The following SLC2A9 variants were observed in gnomAD, a reference collection of about 807,000 sequenced individuals.
SLC2A9 encodes solute carrier family 2 member 9.
Under a neutral mutation model 50.6 loss-of-function variants are expected in SLC2A9, and 39 were observed. The observed-to-expected ratio is 0.77, with a 90% CI of 0.60 to 1.01. SLC2A9 has a LOEUF of 1.01. Among genes scored for constraint, SLC2A9 ranks in the 50% least tolerant of loss-of-function variants. The probability of loss-of-function intolerance (pLI) is 0.00; values close to 1 mark genes in which losing one functional copy is unlikely to be tolerated. For synonymous variants in SLC2A9, 324 were observed against 276.9 expected (o/e 1.17, Z -1.69); for missense variants, 686 against 677.6 (o/e 1.01, Z -0.14).
chr4:9,893,374 G>C (rs1236396586), intron 8 of SLC2A9, among the ~76,000 whole-genome samples: 1 of 151,906 alleles, frequency 6.6e-6, no homozygotes, highest in Non-Finnish European at 1.5e-5. Context: ...TCTTTATAAC[G>C]CAGGCAGAAT....
At chr4:9,850,597 A>G (rs1345357644) in intron 10 of SLC2A9, among the ~76,000 whole-genome samples, 1 of 152,050 alleles carries the variant, frequency 6.6e-6, no homozygotes, top group African/African-American at 2.4e-5. Flanking sequence ...CCAGCAGACC[A>G]TGTCAGACCA....
rs549209329 is a variant in SLC2A9 at position 9,911,493 on chromosome 4, G to A, written c.1003-3148C>T. Among the ~76,000 whole-genome samples the A allele has an allele frequency of 4.7e-4, 72 of 152,190 alleles. No homozygotes were observed. The East Asian group carries it at 6.0e-3, about 13-fold the overall frequency. On this transcript the variant is annotated intron_variant, in intron 7 of 11. Transcript: ENST00000264784. ...GAAACTTAAGAGTGCATCCTGCCCC[G>A]GAGCCCCGCCAGCCCCCACGGTGTG...
intron 10 of SLC2A9, among the ~76,000 whole-genome samples, chr4:9,878,842 G>T (rs540717235): frequency 3.1e-4 from 47 of 152,180 alleles, no homozygotes; most frequent in African/African-American, 1.1e-3. Flanking sequence ...TGGGGAGGCA[G>T]TGTCAGAATT....
intron 1 of SLC2A9, chr4:10,035,682 G>C (rs1764079026): frequency 6.6e-6 from 1 of 152,258 alleles, no homozygotes; most frequent in Non-Finnish European, 1.5e-5. Flanking sequence ...GGACTGAAGG[G>C]AGCAGATCTG....
rs982676959 is a variant in SLC2A9, at chr4:9,993,231, T to A, written c.410+3550A>T. Among the ~76,000 whole-genome samples, 3 of 152,238 alleles carry A rather than the reference T, an allele frequency of 2.0e-5. No individual in the cohort carries two copies. In the East Asian group the frequency reaches 5.8e-4, roughly 29 times the overall value. ...ATGTGTGTTTTCCTATAGTTTCTTA[T>A]ATGTTTTTTCTGCTTTGCTCCAGAC... On this transcript the variant is annotated intron_variant, in intron 3 of 11. Transcript: ENST00000264784.
chr4:9,920,127 T>C (rs912675066), intron 7 of SLC2A9, among the ~76,000 whole-genome samples: 2 of 152,252 alleles, frequency 1.3e-5, no homozygotes, highest in African/African-American at 4.8e-5. Context: ...AGTGATAGCA[T>C]TTATTATAGG....
intron 3 of SLC2A9, among the ~76,000 whole-genome samples, chr4:9,986,492 C>T (rs1301822812): frequency 1.3e-5 from 2 of 152,194 alleles, no homozygotes; most frequent in African/African-American, 4.8e-5. Flanking sequence ...CAGGCCCCAG[C>T]CCCAGCATCA....
Position 9,830,727 on chromosome 4 carries a change from C to A in SLC2A9, c.1420-4127G>T, listed in dbSNP as rs977928335. ...CATTTGCATGCAATTTTCTCTGAAT[C>A]GGAAAATATTGGCACTCCACACTGG... On this transcript the variant is annotated intron_variant, in intron 11 of 11. Coordinates refer to ENST00000264784, the MANE Select transcript of SLC2A9 (RefSeq NM_020041.3). Among the ~76,000 whole-genome samples, 9 of 152,296 alleles carry A rather than the reference C, an allele frequency of 5.9e-5. No individual in the cohort carries two copies. The South Asian group carries it at 6.2e-4, about 11-fold the overall frequency.
intron 5 of SLC2A9, among the ~76,000 whole-genome samples, chr4:9,946,757 C>G (rs1481442427): frequency 1.3e-5 from 2 of 152,224 alleles, no homozygotes; most frequent in Non-Finnish European, 2.9e-5. Flanking sequence ...AGAATGTCAT[C>G]TAAATACAAC....
At chr4:9,983,117 C>G (rs1175985149) in intron 4 of SLC2A9, among the ~76,000 whole-genome samples, 1 of 152,234 alleles carries the variant, frequency 6.6e-6, no homozygotes, top group African/African-American at 2.4e-5. Context: ...ATCCGCCCGC[C>G]TCGGCCTCCC....
intron 11 of SLC2A9, among the ~76,000 whole-genome samples, chr4:9,827,656 T>C (rs1404365100): frequency 6.6e-6 from 1 of 152,186 alleles, no homozygotes; most frequent in Admixed American, 6.5e-5. Flanking sequence ...AAAAAGAGGA[T>C]AATCATGGTA....
chr4:9,939,306 T>C (rs143342708), intron 6 of SLC2A9, among the ~76,000 whole-genome samples: 380 of 152,280 alleles, frequency 2.5e-3, no homozygotes, highest in African/African-American at 8.7e-3. Context: ...AACAACACTG[T>C]TGACCTATAG....
chr4:9,949,133 T>A (rs1749739483), intron 5 of SLC2A9, among the ~76,000 whole-genome samples: 1 of 152,220 alleles, frequency 6.6e-6, no homozygotes, highest in Non-Finnish European at 1.5e-5. Context: ...CAATTTCCAT[T>A]AAAGCACTTG....
chr4:9,969,499 T>C (rs1027748034), intron 5 of SLC2A9, among the ~76,000 whole-genome samples: 1 of 152,252 alleles, frequency 6.6e-6, no homozygotes, highest in African/African-American at 2.4e-5. Flanking sequence ...CAAAAAACTT[T>C]AAGATCAATG....
intron 10 of SLC2A9, among the ~76,000 whole-genome samples, chr4:9,855,883 T>C (rs114721948): frequency 4.0e-3 from 607 of 152,262 alleles, no homozygotes; most frequent in Non-Finnish European, 6.9e-3. Context: ...GTGCAATAAA[T>C]GGTGCTGGGA....
At chr4:9,844,180 A>AAGAAAAAAAAAGACC (rs1728568868) in intron 10 of SLC2A9, among the ~76,000 whole-genome samples, 1 of 149,014 alleles carries the variant, frequency 6.7e-6, no homozygotes, top group African/African-American at 2.5e-5. Context: ...AAAAAAAAAA[A>AAGAAAAAAAAAGACC]GTCCTTCTGA....
intron 4 of SLC2A9, among the ~76,000 whole-genome samples, chr4:9,984,829 T>C (rs1262489690): frequency 1.3e-5 from 2 of 152,032 alleles, no homozygotes; most frequent in African/African-American, 2.4e-5. Context: ...AACAAACCAG[T>C]CCATGTCACA....
At chr4:9,825,161 T>C (rs1724928399), downstream of SLC2A9, among the ~76,000 whole-genome samples, 1 of 152,214 alleles carries the variant, frequency 6.6e-6, no homozygotes, top group African/African-American at 2.4e-5. Flanking sequence ...CACTTTACTT[T>C]ACTTTAGGAC....
chr4:10,031,679 C>T (rs760228878), intron 1 of SLC2A9, among the ~76,000 whole-genome samples: 8 of 152,202 alleles, frequency 5.3e-5, no homozygotes, highest in Non-Finnish European at 1.2e-4. Context: ...TTAGTCCTAG[C>T]CAGGAAGGGG....
Sources: allele counts gnomAD v4.1 joint callset (sites outside exome capture counted in the v4.1 genomes callset), GRCh38; gene constraint gnomAD v4.1.1; transcripts MANE v1.5; gene names NCBI Gene and HGNC (gene_info 2026-07-23, HGNC 2026-07-21).